Variants in FILIP1L observed in about 807,000 individuals in gnomAD.
The protein encoded by FILIP1L is filamin A interacting protein 1 like.
Under a neutral mutation model 96.6 loss-of-function variants are expected in FILIP1L, and 55 were observed. The ratio of observed to expected loss-of-function variants is 0.57; its 90% confidence interval spans 0.46 to 0.71. FILIP1L has a LOEUF of 0.71. Among genes scored for constraint, FILIP1L ranks in the 30% least tolerant of loss-of-function variants. The pLI is 0.00. For synonymous variants in FILIP1L, 467 were observed against 473.9 expected, an observed-to-expected ratio of 0.99 and a Z score of 0.19; for missense variants, 1,304 against 1,321.2, an observed-to-expected ratio of 0.99 and a Z score of 0.20.
chr3:100,025,539 G>A (rs917840817), intron 1 of FILIP1L: 6 of 152,152 alleles, frequency 3.9e-5, no homozygotes, highest in Non-Finnish European at 5.9e-5. Context: ...GGGGAAAGAT[G>A]TTATACTCGA....
At chr3:100,017,248 T>C (rs1371547474) in intron 1 of FILIP1L, among the ~76,000 whole-genome samples, 1 of 152,210 alleles carries the variant, frequency 6.6e-6, no homozygotes, top group African/African-American at 2.4e-5. Flanking sequence ...ATCCAGTTGG[T>C]CCATTATACA....
chr3:100,017,735 G>A (rs1392098628), intron 1 of FILIP1L, among the ~76,000 whole-genome samples: 1 of 151,638 alleles, frequency 6.6e-6, no homozygotes, highest in Non-Finnish European at 1.5e-5. Flanking sequence ...AACCAGCCGA[G>A]GCAACAAAGT....
chr3:99,869,671 A>G lies in FILIP1L; in HGVS notation c.606-18601T>C, dbSNP rs1031658036. On this transcript the variant is annotated intron_variant, in intron 4 of 5. Coordinates refer to ENST00000477258, the MANE Select transcript of FILIP1L (RefSeq NM_001387850.1). ...CCAGGCAACTCCTTCCTTTTCTTCA[A>G]ATTTAACAGGCAGACACTTAAGTCT... Among the ~76,000 whole-genome samples the G allele has an allele frequency of 2.6e-5, 4 of 152,288 alleles. No homozygotes were observed. The East Asian group carries it at 7.7e-4, about 29-fold the overall frequency.
At chr3:100,094,103 A>G (rs1197605565) in intron 1 of FILIP1L, among the ~76,000 whole-genome samples, 1 of 152,026 alleles carries the variant, frequency 6.6e-6, no homozygotes, top group African/African-American at 2.4e-5. Flanking sequence ...TGTCATCACT[A>G]TTTTTTTAAT....
chr3:99,884,171 T>C (rs1004062316), intron 4 of FILIP1L, among the ~76,000 whole-genome samples: 1 of 152,172 alleles, frequency 6.6e-6, no homozygotes, highest in African/African-American at 2.4e-5. Flanking sequence ...TGGGAAAAGC[T>C]CAAGCCAGAA....
intron 4 of FILIP1L, among the ~76,000 whole-genome samples, chr3:99,882,725 A>G (rs1705768980): frequency 6.6e-6 from 1 of 152,206 alleles, no homozygotes; most frequent in African/African-American, 2.4e-5. Context: ...AATGGCACAA[A>G]CAGTGTGATT....
intron 1 of FILIP1L, among the ~76,000 whole-genome samples, chr3:100,109,087 TA>T (rs5851196): frequency 0.4 from 58,125 of 144,676 alleles, 11,263 homozygotes; most frequent in South Asian, 0.46. Flanking sequence ...AACTGTCTCT[TA>T]AAAAAAAAAA....
intron 1 of FILIP1L, among the ~76,000 whole-genome samples, chr3:100,021,952 TGTGTGTGTGAGAGAGAGAGA>T (rs781126185): frequency 0.018 from 1,953 of 111,240 alleles, 26 homozygotes; most frequent in East Asian, 0.1. Flanking sequence ...TGTGTGTGTG[TGTGTGTGTGAGAGAGAGAGA>T]GAGAGAGAGA....
intron 1 of FILIP1L, among the ~76,000 whole-genome samples, chr3:100,071,607 C>T (rs1218602883): frequency 1.3e-5 from 2 of 152,150 alleles, no homozygotes; most frequent in African/African-American, 2.4e-5. Context: ...TTGATGTCCT[C>T]GGGCCAGTGT....
chr3:99,842,056 C>T (rs879568250), intron 5 of FILIP1L, among the ~76,000 whole-genome samples: 1 of 152,022 alleles, frequency 6.6e-6, no homozygotes, highest in African/African-American at 2.4e-5. Flanking sequence ...CAGCACAATT[C>T]GCAATTGCAA....
At chr3:99,890,953 G>T (rs1208765446) in intron 4 of FILIP1L, among the ~76,000 whole-genome samples, 3 of 151,946 alleles carry the variant, frequency 2.0e-5, no homozygotes, top group African/African-American at 7.3e-5. Flanking sequence ...CTCTAGAGAG[G>T]ATTTCCATTT....
chr3:99,847,646 G>A (rs1338000545), intron 5 of FILIP1L, among the ~76,000 whole-genome samples: 2 of 152,140 alleles, frequency 1.3e-5, no homozygotes, highest in Non-Finnish European at 2.9e-5. Context: ...TCTAAGCACT[G>A]TGCTGGGCTC....
At chr3:99,901,690 A>G (rs1706443154) in intron 4 of FILIP1L, among the ~76,000 whole-genome samples, 1 of 152,176 alleles carries the variant, frequency 6.6e-6, no homozygotes. Context: ...GTGTAACTCT[A>G]CTCTCAGCCA....
intron 1 of FILIP1L, among the ~76,000 whole-genome samples, chr3:99,984,060 T>TGTGTGTGTG (rs1559714079): frequency 4.0e-5 from 1 of 24,976 alleles, no homozygotes; most frequent in African/African-American, 1.5e-4. Context: ...GTATGTGTGT[T>TGTGTGTGTG]TGTGTGTGTG....
chr3:99,968,609 T>A (rs1341004874), intron 1 of FILIP1L, among the ~76,000 whole-genome samples: 2 of 151,846 alleles, frequency 1.3e-5, no homozygotes, highest in African/African-American at 4.8e-5. Context: ...GGAGAATATA[T>A]AGAATGAACA....
chr3:99,995,785 C>A (rs1320227950), intron 1 of FILIP1L, among the ~76,000 whole-genome samples: 1 of 152,220 alleles, frequency 6.6e-6, no homozygotes, highest in African/African-American at 2.4e-5. Flanking sequence ...AGCCACAGCT[C>A]AAGGTCTGCG....
intron 1 of FILIP1L, among the ~76,000 whole-genome samples, chr3:99,934,347 A>G (rs1300772367): frequency 2.0e-5 from 3 of 152,252 alleles, no homozygotes; most frequent in Non-Finnish European, 4.4e-5. Flanking sequence ...AAATCTAATA[A>G]AAGTCTAGTT....
chr3:99,875,270 G>C (rs996268276), intron 4 of FILIP1L, among the ~76,000 whole-genome samples: 3 of 152,106 alleles, frequency 2.0e-5, no homozygotes, highest in Non-Finnish European at 4.4e-5. Context: ...GGTAGCAATA[G>C]CCTCTTCAGG....
chr3:99,912,228 GAAAGA>G (rs1386678332), intron 4 of FILIP1L, among the ~76,000 whole-genome samples: 1 of 152,136 alleles, frequency 6.6e-6, no homozygotes, highest in Non-Finnish European at 1.5e-5. Flanking sequence ...TATTTTAAGT[GAAAGA>G]AAACAGGGAC....
Sources: gnomAD v4.1 joint callset for allele counts (sites outside exome capture counted in the v4.1 genomes callset) on GRCh38, gnomAD v4.1.1 for gene constraint, MANE v1.5 for transcripts, NCBI Gene and HGNC (gene_info 2026-07-23, HGNC 2026-07-21) for gene names.